Variants in NELL1 observed in about 807,000 individuals in gnomAD.
The protein encoded by NELL1 is neural EGFL like 1, also known as protein kinase C-binding protein NELL1.
NELL1 carries 76 observed loss-of-function variants against 107.4 expected under a neutral mutation model. The ratio of observed to expected loss-of-function variants is 0.71; its 90% CI spans 0.59 to 0.86. NELL1 has a LOEUF of 0.86. Ranked by LOEUF, NELL1 falls within the 40% of genes least tolerant of loss-of-function variation. The probability of loss-of-function intolerance (pLI) is 0.00; values close to 1 mark genes in which losing one functional copy is unlikely to be tolerated. For missense variants in NELL1, 1,024 were observed against 1,005.5 expected (o/e 1.02, Z -0.25); for synonymous variants, 353 against 341.2 (o/e 1.03, Z -0.38).
chr11:20,789,445 G>A (rs1401807383), intron 3 of NELL1, among the ~76,000 whole-genome samples: 1 of 152,206 alleles, frequency 6.6e-6, no homozygotes, highest in Admixed American at 6.5e-5. Flanking sequence ...TGGAAGCTTG[G>A]AGACACCAGG....
At chr11:20,763,358 A>G (rs1590271421) in intron 2 of NELL1, among the ~76,000 whole-genome samples, 1 of 152,142 alleles carries the variant, frequency 6.6e-6, no homozygotes, top group African/African-American at 2.4e-5. Flanking sequence ...GACATTTTCA[A>G]AACTGGTCAT....
chr11:21,410,983 T>C (rs1852362838), intron 15 of NELL1, among the ~76,000 whole-genome samples: 1 of 151,948 alleles, frequency 6.6e-6, no homozygotes, highest in Admixed American at 6.6e-5. Flanking sequence ...GCCTGGCCAG[T>C]TTGTTTCCCT....
intron 13 of NELL1, among the ~76,000 whole-genome samples, chr11:21,149,287 G>A (rs767785296): frequency 4.6e-5 from 7 of 152,166 alleles, no homozygotes; most frequent in Admixed American, 2.0e-4. Context: ...AAGGAATGGT[G>A]TATTAGTCTG....
At chr11:21,117,986 A>G (rs1855277802) in intron 13 of NELL1, among the ~76,000 whole-genome samples, 1 of 152,050 alleles carries the variant, frequency 6.6e-6, no homozygotes, top group Non-Finnish European at 1.5e-5. Flanking sequence ...ACCCATGCCT[A>G]TATAGTGAGT....
At chr11:20,983,816 G>C in intron 12 of NELL1, among the ~76,000 whole-genome samples, 1 of 152,002 alleles carries the variant, frequency 6.6e-6, no homozygotes. Flanking sequence ...TTTTGCCCTC[G>C]TGGCCTTGGT....
intron 15 of NELL1, among the ~76,000 whole-genome samples, chr11:21,496,498 C>T (rs928699205): frequency 2.6e-5 from 4 of 151,398 alleles, no homozygotes; most frequent in Non-Finnish European, 4.4e-5. Flanking sequence ...CAACCTTCGC[C>T]TCTTGGGTTC....
intron 15 of NELL1, among the ~76,000 whole-genome samples, chr11:21,483,990 C>CACATATATATATAT (rs1854559074): frequency 1.1e-5 from 1 of 88,400 alleles, no homozygotes; most frequent in Non-Finnish European, 2.2e-5. Context: ...TTTTACTTAA[C>CACATATATATATAT]ATATATATAT....
chr11:21,247,145 G>T (rs1464502888), intron 14 of NELL1, among the ~76,000 whole-genome samples: 2 of 152,208 alleles, frequency 1.3e-5, no homozygotes, highest in African/African-American at 4.8e-5. Flanking sequence ...GGGTGAGTCA[G>T]TGAGTGAGTG....
chr11:20,949,266 G>A (rs1851026609), intron 11 of NELL1, among the ~76,000 whole-genome samples: 1 of 152,154 alleles, frequency 6.6e-6, no homozygotes, highest in African/African-American at 2.4e-5. Flanking sequence ...TGAGAGCTCT[G>A]GGCTTTGGTA....
intron 5 of NELL1, among the ~76,000 whole-genome samples, chr11:20,898,395 G>C (rs527530544): frequency 6.6e-6 from 1 of 151,982 alleles, no homozygotes; most frequent in South Asian, 2.1e-4. Flanking sequence ...ACAGGAAGGG[G>C]AATATCACAC....
At chr11:21,408,786 T>A (rs1852295559) in intron 15 of NELL1, among the ~76,000 whole-genome samples, 1 of 152,096 alleles carries the variant, frequency 6.6e-6, no homozygotes, top group African/African-American at 2.4e-5. Context: ...GAACAGACAC[T>A]TCTCAGAAGA....
chr11:21,359,744 T>A (rs943157865), intron 14 of NELL1, among the ~76,000 whole-genome samples: 1 of 152,180 alleles, frequency 6.6e-6, no homozygotes, highest in African/African-American at 2.4e-5. Flanking sequence ...CAGGAACTTA[T>A]CCATCTCCTC....
At chr11:20,948,472 A>C (rs895457797) in intron 11 of NELL1, among the ~76,000 whole-genome samples, 3 of 152,096 alleles carry the variant, frequency 2.0e-5, no homozygotes, top group African/African-American at 7.2e-5. Context: ...CATCACCTCA[A>C]AATTGATCTT....
chr11:21,124,440 C>T lies in NELL1; in HGVS notation c.1426+10726C>T, dbSNP rs1234607302. Among the ~76,000 whole-genome samples the T allele has an allele frequency of 2.6e-5, 4 of 152,180 alleles. No homozygotes were observed. In the East Asian group the frequency reaches 5.8e-4, roughly 22 times the overall value. On this transcript the variant is annotated intron_variant, in intron 13 of 19. Transcript: ENST00000357134. The stretch of plus-strand genomic sequence containing the variant: ...CAATATGGCAACTGAAGGCCACTTG[C>T]AATTATGGTGCTGTCTTAATTCAGG...
At chr11:21,361,076 T>C (rs1851065024) in intron 14 of NELL1, among the ~76,000 whole-genome samples, 1 of 152,196 alleles carries the variant, frequency 6.6e-6, no homozygotes, top group Non-Finnish European at 1.5e-5. Flanking sequence ...ATGTATGCTT[T>C]AAGGAGTTTC....
chr11:20,834,211 G>T (rs1848488770), intron 3 of NELL1, among the ~76,000 whole-genome samples: 1 of 152,184 alleles, frequency 6.6e-6, no homozygotes, highest in Admixed American at 6.6e-5. Flanking sequence ...GATAAATGTG[G>T]TAGATACTTT....
chr11:20,975,894 A>AAACACACATATATG (rs1564995557), intron 12 of NELL1, among the ~76,000 whole-genome samples: 9 of 125,144 alleles, frequency 7.2e-5, no homozygotes, highest in East Asian at 2.4e-4. Flanking sequence ...TGTATTATAT[A>AAACACACATATATG]TACATATATG....
chr11:20,889,890 C>T (rs1368214600), intron 5 of NELL1, among the ~76,000 whole-genome samples: 1 of 152,182 alleles, frequency 6.6e-6, no homozygotes, highest in African/African-American at 2.4e-5. Flanking sequence ...GAGGTGGCCA[C>T]AGTCTGTGTG....
intron 12 of NELL1, among the ~76,000 whole-genome samples, chr11:21,103,994 A>G (rs1482496587): frequency 1.3e-5 from 2 of 152,156 alleles, no homozygotes; most frequent in African/African-American, 2.4e-5. Context: ...TACGGCCTAT[A>G]GCATTTGGTA....
Sources: gnomAD v4.1 joint callset for allele counts (sites outside exome capture counted in the v4.1 genomes callset) on GRCh38, gnomAD v4.1.1 for gene constraint, MANE v1.5 for transcripts, NCBI Gene and HGNC (gene_info 2026-07-23, HGNC 2026-07-21) for gene names.